Variants in PLCH2 observed in about 807,000 individuals in gnomAD.
PLCH2 encodes the protein 1-phosphatidylinositol 4,5-bisphosphate phosphodiesterase eta-2.
A neutral mutation model predicts 134.7 loss-of-function variants in PLCH2; 98 were observed. The observed-to-expected ratio is 0.73, with a 90% CI of 0.62 to 0.86. The LOEUF (loss-of-function observed/expected upper bound fraction) is 0.86. Among genes scored for constraint, PLCH2 ranks in the 40% least tolerant of loss-of-function variants. The pLI, the probability that PLCH2 is intolerant of heterozygous loss-of-function variation, is 0.00. For synonymous variants in PLCH2, 974 were observed against 827.5 expected, an observed-to-expected ratio of 1.18 and a Z score of -3.04; for missense variants, 1,994 against 1,986.6, an observed-to-expected ratio of 1.00 and a Z score of -0.07.
rs1379023381 is a variant in PLCH2 at position 2,498,506 on chromosome 1, C to T, written c.2225-17C>T. 1 of 1,601,750 alleles carries T rather than the reference C, an allele frequency of 6.2e-7. No homozygotes were observed. Among genetic ancestry groups the T allele is most frequent in the East Asian group, 2.2e-5 (1 of 44,572 alleles). On this transcript the variant is annotated splice_polypyrimidine_tract_variant and intron_variant, in intron 16 of 21. Coordinates refer to ENST00000378486, the MANE Select transcript of PLCH2 (RefSeq NM_014638.4). This position sits in a 1 kb window ranked among gnomAD's most constrained non-coding sequence, Gnocchi z 5.4. The stretch of plus-strand genomic sequence containing the variant: ...CTGAGGGCTGGGCCACTGACCACCT[C>T]CCCGGCATCCCCTCAGGCGTGTTCA...
chr1:2,445,943 T>C (rs1412281590), intron 2 of PLCH2, among the ~76,000 whole-genome samples: 1 of 152,202 alleles, frequency 6.6e-6, no homozygotes, highest in Admixed American at 6.5e-5. Flanking sequence ...GCACCCACAG[T>C]GCCGTCTGTC....
At chr1:2,502,035 G>A in intron 20 of PLCH2, 77 bp from the exon 21 acceptor site, 2 of 1,302,100 alleles carry the variant, frequency 1.5e-6, no homozygotes, top group Non-Finnish European at 2.0e-6. Flanking sequence ...GCACGGTCTG[G>A]AGAGCTGGCC....
At chr1:2,499,258 C>A (rs1558032278) in intron 19 of PLCH2, 28 bp downstream of exon 19, 6 of 1,610,514 alleles carry the variant, frequency 3.7e-6, no homozygotes, top group East Asian at 2.2e-5. Context: ...CGGTGCCCCC[C>A]ACACTGGCCG....
intron 2 of PLCH2, among the ~76,000 whole-genome samples, chr1:2,453,333 G>T (rs546053646): frequency 6.6e-6 from 1 of 152,224 alleles, no homozygotes; most frequent in Admixed American, 6.5e-5. Context: ...TTTCCAGTCC[G>T]CCCTGTTATC....
In PLCH2 at chr1:2,487,382, C is replaced by A. The variant is rs1212110906; in HGVS notation, c.1114+6C>A. ...TGGCTGCCGCTGCGTGGAGGGTAAG[C>A]CCTGGACCTTGGGTGACGGCCGTGG... On this transcript the variant is annotated splice_donor_region_variant and intron_variant, in intron 7 of 21. Coordinates refer to ENST00000378486, the MANE Select transcript of PLCH2 (RefSeq NM_014638.4). 6.2e-7 allele frequency: 1 copy of A among 1,610,478 alleles called. No individual in the cohort carries two copies. The highest frequency in any genetic ancestry group is 8.5e-7 in the Non-Finnish European group (1 of 1,177,824).
At chr1:2,490,971 G>A (rs538326472) in intron 10 of PLCH2, among the ~76,000 whole-genome samples, 42 of 152,254 alleles carry the variant, frequency 2.8e-4, no homozygotes, top group Non-Finnish European at 5.6e-4. Context: ...GCCAGAAGCC[G>A]CACAGGCTCT....
chr1:2,427,309 C>T (rs1038543699), intron 1 of PLCH2, among the ~76,000 whole-genome samples: 5 of 152,162 alleles, frequency 3.3e-5, no homozygotes, highest in African/African-American at 4.8e-5. Flanking sequence ...CTGGGTCTCT[C>T]GTGGGGGCCC....
At chr1:2,450,695 CCCCCCCGCTCCCCGCCTG>C (rs1256561728) in intron 2 of PLCH2, among the ~76,000 whole-genome samples, 45 of 26,914 alleles carry the variant, frequency 1.7e-3, no homozygotes, top group East Asian at 3.6e-3. Context: ...TCCCCGCCTG[CCCCCCCGCTCCCCGCCTG>C]CCCCCCGCTC....
intron 1 of PLCH2, among the ~76,000 whole-genome samples, chr1:2,469,049 G>T (rs1641204132): frequency 6.6e-6 from 1 of 152,210 alleles, no homozygotes; most frequent in Non-Finnish European, 1.5e-5. Flanking sequence ...CTGTTTGTAG[G>T]ATGGGCTGTA....
intron 11 of PLCH2, chr1:2,492,155 A>G (rs1642621908): frequency 6.6e-6 from 1 of 152,234 alleles, no homozygotes; most frequent in African/African-American, 2.4e-5. Context: ...GAGGGTGGGA[A>G]GGTGACTTCT....
chr1:2,449,262 G>A (rs977649646), intron 2 of PLCH2, among the ~76,000 whole-genome samples: 2 of 152,200 alleles, frequency 1.3e-5, no homozygotes, highest in South Asian at 2.1e-4. Context: ...AGGCTGAGGC[G>A]GGTGGATCAC....
Position 2,505,276 on chromosome 1 carries a change from C to T in PLCH2, c.*63C>T, listed in dbSNP as rs527974935. On this transcript the variant is annotated 3_prime_UTR_variant, in exon 22 of 22. Coordinates refer to ENST00000378486, the MANE Select transcript of PLCH2 (RefSeq NM_014638.4). ...AGGGCAGGGGTGGGCGTGTTGTTTGCTCAGGAAACAGGGCAGCCAGGCCCC... is the reference window on the plus strand; with the variant it reads ...AGGGCAGGGGTGGGCGTGTTGTTTGTTCAGGAAACAGGGCAGCCAGGCCCC... 1.4e-4 allele frequency: 194 copies of T among 1,338,174 alleles called. No homozygotes were observed. In the East Asian group the frequency reaches 4.8e-3, roughly 33 times the overall value. The allele number at this position is 1,338,174 out of a possible 1,614,324, so 82.9% of individuals were successfully genotyped here. A position where few individuals can be genotyped will look rare whatever the true frequency, so the allele number is the denominator to read the frequency against.
chr1:2,499,415 G>A (rs552331611), intron 19 of PLCH2, among the ~76,000 whole-genome samples, 185 bp downstream of exon 19: 1 of 152,180 alleles, frequency 6.6e-6, no homozygotes, highest in Admixed American at 6.5e-5. Context: ...CATGGCCTGT[G>A]GGGGAGGGGC....
At chr1:2,481,059 C>T (rs1009858185) in intron 4 of PLCH2, among the ~76,000 whole-genome samples, 13 of 152,198 alleles carry the variant, frequency 8.5e-5, no homozygotes, top group African/African-American at 2.7e-4. Flanking sequence ...CACGCACACA[C>T]GTGCACATAC....
intron 2 of PLCH2, among the ~76,000 whole-genome samples, chr1:2,455,503 G>C (rs1374012164): frequency 6.6e-6 from 1 of 152,192 alleles, no homozygotes; most frequent in African/African-American, 2.4e-5. Flanking sequence ...GGGCCTACTG[G>C]GGGCGCAGGG....
chr1:2,494,972 G>A (rs1442944762), intron 12 of PLCH2, 24 bp downstream of exon 12: 1 of 1,535,050 alleles, frequency 6.5e-7, no homozygotes, highest in East Asian at 2.3e-5. Context: ...CCCAGGCCAG[G>A]GTCCCGGTCT....
At chr1:2,476,749 T>C in intron 1 of PLCH2, 37 bp downstream of exon 1, 1 of 1,547,486 alleles carries the variant, frequency 6.5e-7, no homozygotes, top group Non-Finnish European at 8.7e-7. Context: ...GGCTGAGTGC[T>C]GGCCCTGGCC....
At chr1:2,426,429 C>G (rs1638799121) in intron 1 of PLCH2, among the ~76,000 whole-genome samples, 1 of 152,274 alleles carries the variant, frequency 6.6e-6, no homozygotes, top group Admixed American at 6.5e-5. Flanking sequence ...CCATGGCCTC[C>G]CAAAGTCCCT....
At chr1:2,471,465 C>T (rs1419678582), upstream of PLCH2, among the ~76,000 whole-genome samples, 1 of 152,258 alleles carries the variant, frequency 6.6e-6, no homozygotes, top group Non-Finnish European at 1.5e-5. Flanking sequence ...CTGCACCTTT[C>T]TGTGCAACTG....
Sources: gnomAD v4.1 joint callset for allele counts (sites outside exome capture counted in the v4.1 genomes callset) on GRCh38, gnomAD v4.1.1 for gene constraint, Gnocchi (gnomAD v3.1) non-coding constraint, MANE v1.5 for transcripts, NCBI Gene and HGNC (gene_info 2026-07-23, HGNC 2026-07-21) for gene names.